CLDN16: variants seen among roughly 807,000 people sequenced by gnomAD.
The protein encoded by CLDN16 is claudin 16, also known as claudin-16.
Under a neutral mutation model 24.6 loss-of-function variants are expected in CLDN16, and 13 were observed. That is an observed-to-expected ratio of 0.53 (90% CI 0.34 to 0.84). CLDN16 has a LOEUF of 0.84. Among genes scored for constraint, CLDN16 ranks in the 40% least tolerant of loss-of-function variants. The pLI is 0.01. For synonymous variants in CLDN16, 116 were observed against 106.7 expected (o/e 1.09, Z -0.54); for missense variants, 298 against 292.7 (o/e 1.02, Z -0.13).
the CLDN16 span, among the ~76,000 whole-genome samples, chr3:190,290,921 A>G: frequency 6.6e-6 from 1 of 152,212 alleles, no homozygotes; most frequent in Non-Finnish European, 1.5e-5. Context: ...ATGTGCATGT[A>G]AGCCAATAAC....
chr3:190,342,456 A>C (rs1412474144), intron 1 of CLDN16, among the ~76,000 whole-genome samples: 3 of 152,012 alleles, frequency 2.0e-5, no homozygotes, highest in Non-Finnish European at 4.4e-5. Flanking sequence ...CAAAAAGACA[A>C]TCTGATTTAC....
the CLDN16 span, chr3:190,313,018 C>T: frequency 2.5e-5 from 41 of 1,614,118 alleles, no homozygotes; most frequent in Admixed American, 1.3e-4. Context: ...CATCAAGGCA[C>T]GGGTTGCTTG....
At chr3:190,391,396 G>A (rs1045096864) in intron 1 of CLDN16, among the ~76,000 whole-genome samples, 1 of 151,770 alleles carries the variant, frequency 6.6e-6, no homozygotes, top group Non-Finnish European at 1.5e-5. Context: ...CATTTAATGA[G>A]GGGAAAACAA....
At chr3:190,349,537 C>T (rs912811376) in intron 1 of CLDN16, among the ~76,000 whole-genome samples, 4 of 152,166 alleles carry the variant, frequency 2.6e-5, no homozygotes, top group Non-Finnish European at 5.9e-5. Context: ...CATCAATGGT[C>T]ATGTCTTTAC....
At chr3:190,391,690 CAAAG>C (rs1178988627) in intron 1 of CLDN16, among the ~76,000 whole-genome samples, 1 of 152,134 alleles carries the variant, frequency 6.6e-6, no homozygotes, top group Non-Finnish European at 1.5e-5. Flanking sequence ...GTGGGCAACA[CAAAG>C]AAGGAGGCAG....
At position 190,380,123 on chromosome 3, in the gene CLDN16, CCTTT is replaced by C. The variant is rs1315469141; in HGVS notation, n.306+5524_306+5527del. 2.9e-3 allele frequency among the ~76,000 whole-genome samples: 171 copies of C among 58,582 alleles called. 6 individuals are homozygous for C. Among genetic ancestry groups the C allele is most frequent in the African/African-American group, 0.01 (161 of 15,424 alleles). The allele number at this position is 58,582 out of a possible 152,430, so 38.4% of individuals were successfully genotyped here. A position where few individuals can be genotyped will look rare whatever the true frequency, so the allele number is the denominator to read the frequency against. On this transcript the variant is annotated intron_variant and non_coding_transcript_variant, in intron 3 of 4. Coordinates refer to the CLDN16 transcript ENST00000468220. ...CTCTACTTGGTGAATCCCATTCCTT[CCTTT>C]CTTCCTTCCTTCCTTTTCTTCCTTC...
chr3:190,290,773 A>C, the CLDN16 span, among the ~76,000 whole-genome samples: 1 of 152,238 alleles, frequency 6.6e-6, no homozygotes, highest in Non-Finnish European at 1.5e-5. Flanking sequence ...ATATCAAAGT[A>C]GTGAAAGAAA....
chr3:190,304,783 G>A, the CLDN16 span, among the ~76,000 whole-genome samples: 158 of 152,246 alleles, frequency 1.0e-3, no homozygotes, highest in Non-Finnish European at 1.6e-3. Flanking sequence ...ATCATACTAG[G>A]AATAATGACA....
chr3:190,357,810 G>A (rs1717808367), intron 1 of CLDN16, among the ~76,000 whole-genome samples: 1 of 151,844 alleles, frequency 6.6e-6, no homozygotes, highest in Non-Finnish European at 1.5e-5. Context: ...AGCCATCTTT[G>A]GGTCTGTATC....
At chr3:190,395,982 T>C (rs776887075) in intron 1 of CLDN16, among the ~76,000 whole-genome samples, 9 of 152,158 alleles carry the variant, frequency 5.9e-5, no homozygotes, top group Non-Finnish European at 5.9e-5. Context: ...TGAATGTCTC[T>C]AATTCTCAAG....
At chr3:190,303,937 A>G in the CLDN16 span, among the ~76,000 whole-genome samples, 1 of 152,144 alleles carries the variant, frequency 6.6e-6, no homozygotes, top group African/African-American at 2.4e-5. Context: ...AAGCAACAAC[A>G]TTAGGGAAAG....
At chr3:190,339,138 G>C (rs1717374233) in intron 1 of CLDN16, among the ~76,000 whole-genome samples, 1 of 152,174 alleles carries the variant, frequency 6.6e-6, no homozygotes, top group Admixed American at 6.5e-5. Context: ...CTAAACTTCT[G>C]AAATCATATT....
chr3:190,294,403 A>C, the CLDN16 span, among the ~76,000 whole-genome samples: 2 of 152,194 alleles, frequency 1.3e-5, no homozygotes, highest in African/African-American at 4.8e-5. Context: ...GCATTGAAAG[A>C]CAATGTATTA....
intron 1 of CLDN16, among the ~76,000 whole-genome samples, chr3:190,329,040 G>A (rs992985791): frequency 6.6e-6 from 1 of 152,206 alleles, no homozygotes; most frequent in African/African-American, 2.4e-5. Flanking sequence ...TGCATGCCAA[G>A]CTAAGTGTGG....
intron 1 of CLDN16, among the ~76,000 whole-genome samples, chr3:190,331,675 A>T (rs925554795): frequency 6.6e-6 from 1 of 152,182 alleles, no homozygotes; most frequent in Non-Finnish European, 1.5e-5. Context: ...GACTACACGG[A>T]TAGTCTCTGT....
intron 3 of CLDN16, among the ~76,000 whole-genome samples, chr3:190,378,893 A>G (rs1206848367): frequency 1.3e-5 from 2 of 152,092 alleles, no homozygotes; most frequent in African/African-American, 2.4e-5. Flanking sequence ...TTCGTCATCT[A>G]TAAAATGGTG....
chr3:190,410,176 A>C lies in CLDN16; in HGVS notation c.*140A>C, dbSNP rs868026523. 1.0e-6 allele frequency: 1 copy of C among 989,472 alleles called. No homozygotes were observed. 61.3% of individuals were successfully genotyped at this position (989,472 alleles called of 1,614,324 possible). A position where few individuals can be genotyped will look rare whatever the true frequency, so the allele number is the denominator to read the frequency against. ...ATTGCTAGCTTAATCAAAATGTTTG[A>C]TTCTCCTATACTTTTTCTTTCTATT... On this transcript the variant is annotated 3_prime_UTR_variant, in exon 5 of 5. Coordinates refer to ENST00000264734, the MANE Select transcript of CLDN16 (RefSeq NM_006580.4).
At chr3:190,395,159 A>G (rs942706074) in intron 1 of CLDN16, among the ~76,000 whole-genome samples, 1 of 152,132 alleles carries the variant, frequency 6.6e-6, no homozygotes, top group Non-Finnish European at 1.5e-5. Context: ...ATATTTAGAA[A>G]GTTCAGATAT....
intron 1 of CLDN16, among the ~76,000 whole-genome samples, chr3:190,361,352 G>A (rs971432946): frequency 1.3e-5 from 2 of 151,914 alleles, no homozygotes; most frequent in African/African-American, 4.8e-5. Flanking sequence ...AGACCTAACC[G>A]ACGCCATCTT....
Sources: allele counts gnomAD v4.1 joint callset (sites outside exome capture counted in the v4.1 genomes callset), GRCh38; gene constraint gnomAD v4.1.1; transcripts MANE v1.5; gene names NCBI Gene and HGNC (gene_info 2026-07-23, HGNC 2026-07-21).